The following TBCE variants were observed in gnomAD, a reference collection of about 807,000 sequenced individuals.
TBCE encodes the protein tubulin folding cofactor E.
Under a neutral mutation model 77.0 loss-of-function variants are expected in TBCE, and 53 were observed. The observed-to-expected ratio is 0.69, with a 90% CI of 0.55 to 0.87. The LOEUF (loss-of-function observed/expected upper bound fraction) is 0.87. Among genes scored for constraint, TBCE ranks in the 40% least tolerant of loss-of-function variants. The pLI, the probability that TBCE is intolerant of heterozygous loss-of-function variation, is 0.00. For missense variants in TBCE, 624 were observed against 622.4 expected (o/e 1.00, Z -0.03); for synonymous variants, 235 against 241.3 (o/e 0.97, Z 0.24).
At chr1:235,443,278 G>A (rs1014175769) in intron 15 of TBCE, among the ~76,000 whole-genome samples, 4 of 151,872 alleles carry the variant, frequency 2.6e-5, no homozygotes, top group Non-Finnish European at 4.4e-5. Flanking sequence ...CTCAGCTCAC[G>A]GCAGCCTCTG....
intron 1 of TBCE, among the ~76,000 whole-genome samples, chr1:235,371,939 G>T (rs1047199415): frequency 1.3e-5 from 2 of 152,078 alleles, no homozygotes; most frequent in African/African-American, 4.8e-5. Flanking sequence ...CTCCCGAAGT[G>T]CTGGGATTAC....
At chr1:235,419,302 T>A in intron 4 of TBCE, 171 bp from the exon 5 acceptor site, 1 of 934,048 alleles carries the variant, frequency 1.1e-6, no homozygotes, top group Non-Finnish European at 1.6e-6. Context: ...ATATTTGTAG[T>A]GCTCTTTTTC....
intron 1 of TBCE, among the ~76,000 whole-genome samples, chr1:235,375,244 AAAG>A (rs1677225440): frequency 1.4e-5 from 2 of 147,526 alleles, no homozygotes; most frequent in African/African-American, 2.6e-5. Context: ...TCATCTTTTT[AAAG>A]AAGAATAACA....
At chr1:235,435,969 C>A in intron 9 of TBCE, 129 bp downstream of exon 9, 2 of 877,700 alleles carry the variant, frequency 2.3e-6, no homozygotes, top group Non-Finnish European at 3.7e-6. Context: ...TTGAGTAATT[C>A]CCTTTGGGAA....
chr1:235,437,387 CCT>C lies in TBCE; in HGVS notation c.1030_1031del (p.Leu344AspfsTer28). The C allele has an allele frequency of 6.2e-7, 1 of 1,614,120 alleles. No individual in the cohort carries two copies. The highest frequency in any genetic ancestry group is 2.2e-5 in the East Asian group (1 of 44,886). The stretch of plus-strand genomic sequence containing the variant: ...GGGCTTTGTCCTGCCTAAGAAACCC[CCT>C]GACCAAAGAGGACAAAGAAGCAGAG... ...LRALSCLRNPLTKEDKEAETA... is the reference protein window; with the variant it reads ...LRALSCLRNPXTKEDKEAETA... On this transcript the variant is annotated frameshift_variant, in exon 12 of 17. Transcript: ENST00000642610. LOFTEE classifies it high-confidence loss of function.
At chr1:235,368,442 C>CA (rs77414079) in intron 1 of TBCE, among the ~76,000 whole-genome samples, 110,988 of 151,528 alleles carry the variant, frequency 0.73, 41,969 homozygotes, top group African/African-American at 0.93. Context: ...ATACTTGCTT[C>CA]AAACGTTTTT....
In TBCE at chr1:235,436,368, G is replaced by A. The variant is rs1273655844; in HGVS notation, c.834-18G>A. 1 of 1,609,248 alleles carries A rather than the reference G, an allele frequency of 6.2e-7. No individual in the cohort carries two copies. Among genetic ancestry groups the A allele is most frequent in the Non-Finnish European group, 8.5e-7 (1 of 1,175,776 alleles). On this transcript the variant is annotated intron_variant, in intron 9 of 16. Coordinates refer to ENST00000642610, the MANE Select transcript of TBCE (RefSeq NM_003193.5). ...TTACATTGTTCTGTGTAATCAAATT[G>A]TACATTTTGAATTTCAGGTTAGAAC...
intron 2 of TBCE, among the ~76,000 whole-genome samples, 154 bp downstream of exon 2, chr1:235,380,303 T>G (rs910330431): frequency 6.6e-6 from 1 of 152,124 alleles, no homozygotes; most frequent in Admixed American, 6.6e-5. Flanking sequence ...AGGTGCCTCC[T>G]GTATCCAGTT....
chr1:235,436,159 G>C, intron 9 of TBCE: 1 of 606,566 alleles, frequency 1.6e-6, no homozygotes, highest in South Asian at 2.0e-5. Flanking sequence ...TTTAGCACCT[G>C]ACATAGCAGT....
chr1:235,427,079 A>G, intron 5 of TBCE, 61 bp from the exon 6 acceptor site: 1 of 1,173,448 alleles, frequency 8.5e-7, no homozygotes, highest in East Asian at 2.4e-5. Flanking sequence ...AATTAAGAGT[A>G]ACTCCTTTTA....
At chr1:235,443,861 CAAT>C (rs1682065771) in intron 15 of TBCE, among the ~76,000 whole-genome samples, 1 of 152,098 alleles carries the variant, frequency 6.6e-6, no homozygotes, top group African/African-American at 2.4e-5. Context: ...ATGCTTGTGT[CAAT>C]AAAGTAGATC....
chr1:235,432,916 ATTTTT>A, intron 7 of TBCE: 1 of 807,290 alleles, frequency 1.2e-6, no homozygotes, highest in Non-Finnish European at 1.6e-6. Flanking sequence ...ATTTTTTGTA[ATTTTT>A]TTTTTTGTAA....
chr1:235,370,811 G>A (rs543882068), intron 1 of TBCE, among the ~76,000 whole-genome samples: 1 of 146,508 alleles, frequency 6.8e-6, no homozygotes, highest in Non-Finnish European at 1.5e-5. Flanking sequence ...GTGTGATGTC[G>A]GCTCACTGCA....
intron 5 of TBCE, among the ~76,000 whole-genome samples, chr1:235,423,302 G>A (rs1291734256): frequency 1.3e-5 from 2 of 152,088 alleles, no homozygotes; most frequent in Non-Finnish European, 2.9e-5. Context: ...CTTGAACGGT[G>A]TGTGTGGGAG....
chr1:235,399,783 C>T (rs946495357), intron 2 of TBCE, among the ~76,000 whole-genome samples: 5 of 152,150 alleles, frequency 3.3e-5, no homozygotes, highest in South Asian at 2.1e-4. Context: ...TGAAGCTGGT[C>T]GGTCAGAAGT....
chr1:235,441,602 G>A, intron 13 of TBCE: 1 of 578,000 alleles, frequency 1.7e-6, no homozygotes, highest in Non-Finnish European at 3.1e-6. Context: ...AAGCTACAGA[G>A]TCTGCAGCTC....
At chr1:235,371,038 CTTTTTTTTTTTTTTTTTT>C (rs71174417) in intron 1 of TBCE, among the ~76,000 whole-genome samples, 78 of 23,310 alleles carry the variant, frequency 3.3e-3, no homozygotes, top group African/African-American at 8.5e-3. Context: ...TCACGCCTGG[CTTTTTTTTTTTTTTTTTT>C]TTTTTTTTTT....
chr1:235,373,082 C>CCAGCACTA (rs1025923975), intron 1 of TBCE, among the ~76,000 whole-genome samples: 1 of 151,834 alleles, frequency 6.6e-6, no homozygotes, highest in African/African-American at 2.4e-5. Flanking sequence ...ACCTGTAATC[C>CCAGCACTA]CAGCACTTTG....
Position 235,438,772 on chromosome 1 carries a change from C to T in TBCE, c.1120C>T (p.Leu374Phe). 3 of 1,614,108 alleles carry T rather than the reference C, an allele frequency of 1.9e-6. No individual in the cohort carries two copies. The highest frequency in any genetic ancestry group is 2.5e-6 in the Non-Finnish European group (3 of 1,180,040). Residue 374 changes from leucine (L) to phenylalanine (F), a missense_variant, in exon 13 of 17, where the codon CTC (leucine) becomes TTC (phenylalanine). Transcript: ENST00000642610. ...TTTTTATGTCACATGAACATAGATT[C>T]TCCCCGAGGAGAGGCGGAGAGCTGA... ...QLKTLNKCEI[L>F]PEERRRAELD... is the part of the protein sequence containing the mutation.
Sources: allele counts gnomAD v4.1 joint callset (sites outside exome capture counted in the v4.1 genomes callset), GRCh38; gene constraint gnomAD v4.1.1; transcripts MANE v1.5; gene names NCBI Gene and HGNC (gene_info 2026-07-23, HGNC 2026-07-21).